TSEN15: variants seen among roughly 807,000 people sequenced by gnomAD.
TSEN15 encodes the protein tRNA-splicing endonuclease subunit Sen15.
TSEN15 carries 10 observed loss-of-function variants against 20.5 expected under a neutral mutation model. The ratio of observed to expected loss-of-function variants is 0.49; its 90% CI spans 0.30 to 0.83. The LOEUF (loss-of-function observed/expected upper bound fraction) is 0.83, where lower values mean the gene tolerates loss of function less well. Among genes scored for constraint, TSEN15 ranks in the 40% least tolerant of loss-of-function variants. TSEN15 has a pLI of 0.06. For synonymous variants in TSEN15, 72 were observed against 80.1 expected (o/e 0.90, Z 0.54); for missense variants, 180 against 218.6 (o/e 0.82, Z 1.11).
At chr1:184,084,270 G>T (rs1386440380) in intron 3 of TSEN15, among the ~76,000 whole-genome samples, 1 of 151,946 alleles carries the variant, frequency 6.6e-6, no homozygotes, top group African/African-American at 2.4e-5. Context: ...CCTTGGGAGA[G>T]AATACATGAT....
chr1:184,067,347 A>G (rs1308083380), intron 3 of TSEN15, among the ~76,000 whole-genome samples: 4 of 152,096 alleles, frequency 2.6e-5, no homozygotes, highest in East Asian at 3.9e-4. Context: ...ATGCTACTCA[A>G]CATATTTCAT....
At chr1:184,052,080 A>G (rs982484648) in intron 1 of TSEN15, among the ~76,000 whole-genome samples, 190 bp downstream of exon 1, 1 of 152,154 alleles carries the variant, frequency 6.6e-6, no homozygotes, top group African/African-American at 2.4e-5. Context: ...AAGTTGCACT[A>G]TCTCAATCCC....
Position 184,072,228 on chromosome 1 carries a change from C to A in TSEN15, c.425C>A (p.Ala142Asp). 6.2e-7 allele frequency: 1 copy of A among 1,613,336 alleles called. No homozygotes were observed. The highest frequency in any genetic ancestry group is 8.5e-7 in the Non-Finnish European group (1 of 1,179,536). The change falls in exon 4 of 5, where the codon GCC becomes GAC. Residue 142 changes from alanine (A) to aspartate (D), a missense_variant. Around this residue, in one of 3 missense-constraint regions of TSEN15, gnomAD observed 76 missense variants for 123.4 expected, o/e 0.62. Coordinates refer to ENST00000645668, the MANE Select transcript of TSEN15 (RefSeq NM_052965.4). ...GATTTGCCGATGTCTTTTACTTTGG[C>A]CATAGTGGAGTCTGATTCTACAATA... ...DPDLPMSFTL[A>D]IVESDSTIVY...
intron 3 of TSEN15, chr1:184,095,540 G>A (rs1364929347): frequency 2.5e-6 from 1 of 393,116 alleles, no homozygotes; most frequent in Non-Finnish European, 4.5e-6. Flanking sequence ...ATTAACAGAG[G>A]TCATGAGAGT....
intron 3 of TSEN15, among the ~76,000 whole-genome samples, chr1:184,086,938 T>C (rs1333691052): frequency 6.6e-6 from 1 of 152,114 alleles, no homozygotes; most frequent in Non-Finnish European, 1.5e-5. Context: ...ATCAAAAGGA[T>C]TTATGGATAA....
chr1:184,092,015 T>TG (rs960895801), intron 3 of TSEN15, among the ~76,000 whole-genome samples: 2 of 152,198 alleles, frequency 1.3e-5, no homozygotes, highest in African/African-American at 4.8e-5. Flanking sequence ...GCTGGGAAGA[T>TG]GGAGACCTGT....
chr1:184,086,325 A>G (rs1208092382), intron 3 of TSEN15, among the ~76,000 whole-genome samples: 1 of 152,212 alleles, frequency 6.6e-6, no homozygotes, highest in African/African-American at 2.4e-5. Context: ...TAAGTAGGCA[A>G]AACTAAGTTA....
At position 184,061,013 on chromosome 1, in the gene TSEN15, C is replaced by T. The variant is rs143510091; in HGVS notation, c.353+6150C>T. ...TCCCAATCATAATCTTTCTTCCCCC[C>T]CAAAATAGCCATTATTCTTTCTTTT... is the stretch of plus-strand genomic sequence containing the variant. On this transcript the variant is annotated intron_variant, in intron 3 of 4. Coordinates refer to ENST00000645668, the MANE Select transcript of TSEN15 (RefSeq NM_052965.4). 4.4e-4 allele frequency among the ~76,000 whole-genome samples: 67 copies of T among 152,228 alleles called. 1 individual carries two copies. The East Asian group carries it at 0.012, about 28-fold the overall frequency.
At chr1:184,058,953 G>A (rs1016346360) in intron 3 of TSEN15, among the ~76,000 whole-genome samples, 1 of 151,630 alleles carries the variant, frequency 6.6e-6, no homozygotes, top group African/African-American at 2.4e-5. Context: ...CTAGGTGCTG[G>A]GGATACCATG....
At chr1:184,095,647 C>G in intron 3 of TSEN15, 1 of 393,902 alleles carries the variant, frequency 2.5e-6, no homozygotes, top group Non-Finnish European at 4.5e-6. Flanking sequence ...CTCTCTCTCT[C>G]TCTCTCTCTC....
chr1:184,078,231 G>A (rs1651101249), downstream of TSEN15, among the ~76,000 whole-genome samples: 2 of 152,164 alleles, frequency 1.3e-5, no homozygotes, highest in Non-Finnish European at 2.9e-5. Flanking sequence ...TGAAGCCTCA[G>A]ATGATCATTA....
rs1489164308 is a variant in TSEN15 at position 184,073,101 on chromosome 1, G to A, written c.*254G>A. 2 of 437,232 alleles carry A rather than the reference G, an allele frequency of 4.6e-6. No homozygotes were observed. The highest frequency in any genetic ancestry group is 8.0e-6 in the Non-Finnish European group (2 of 249,556). The allele number at this position is 437,232 out of a possible 1,614,324, so 27.1% of individuals were successfully genotyped here. ...TAATTACAGTTATATACAGGTTTAT[G>A]CCTAGGATGTATTCAGATGGGTGGG... On this transcript the variant is annotated 3_prime_UTR_variant, in exon 5 of 5. Coordinates refer to ENST00000645668, the MANE Select transcript of TSEN15 (RefSeq NM_052965.4).
intron 3 of TSEN15, among the ~76,000 whole-genome samples, chr1:184,055,496 G>T (rs1650218586): frequency 6.6e-6 from 1 of 152,008 alleles, no homozygotes; most frequent in African/African-American, 2.4e-5. Context: ...CAGTATGTAT[G>T]GTAGAAATAT....
intron 3 of TSEN15, chr1:184,095,091 C>T (rs770332427): frequency 4.3e-5 from 17 of 398,576 alleles, no homozygotes; most frequent in East Asian, 2.5e-4. Context: ...TCTTGGAAGA[C>T]GGTGACTGTC....
intron 1 of TSEN15, among the ~76,000 whole-genome samples, chr1:184,053,121 T>G (rs1215490415): frequency 6.6e-6 from 1 of 152,342 alleles, no homozygotes; most frequent in East Asian, 1.9e-4. Flanking sequence ...GTTTATATAC[T>G]TGTAGATTGT....
intron 3 of TSEN15, among the ~76,000 whole-genome samples, chr1:184,086,564 C>T (rs1651265284): frequency 6.6e-6 from 1 of 152,162 alleles, no homozygotes; most frequent in Non-Finnish European, 1.5e-5. Flanking sequence ...CTTCCATTAT[C>T]TGAAGGCTTG....
At chr1:184,058,742 G>A (rs1312122836) in intron 3 of TSEN15, among the ~76,000 whole-genome samples, 4 of 152,092 alleles carry the variant, frequency 2.6e-5, no homozygotes, top group Non-Finnish European at 4.4e-5. Context: ...GTGGGAAGAT[G>A]TGAGGGCAAC....
chr1:184,079,431 T>G (rs1651122134), intron 3 of TSEN15, among the ~76,000 whole-genome samples: 1 of 152,164 alleles, frequency 6.6e-6, no homozygotes, highest in African/African-American at 2.4e-5. Flanking sequence ...ATTTATCTCC[T>G]TACAGTTCTG....
intron 3 of TSEN15, among the ~76,000 whole-genome samples, chr1:184,060,448 G>A (rs989321023): frequency 2.0e-5 from 3 of 152,262 alleles, no homozygotes; most frequent in African/African-American, 4.8e-5. Context: ...TGTCTGTGGA[G>A]TCTTAGGTTT....
Sources: gnomAD v4.1 joint callset for allele counts (sites outside exome capture counted in the v4.1 genomes callset) on GRCh38, gnomAD v4.1.1 for gene constraint, gnomAD v4.1.1 regional missense constraint, MANE v1.5 for transcripts, NCBI Gene and HGNC (gene_info 2026-07-23, HGNC 2026-07-21) for gene names.